The following HOOK3 variants were observed in gnomAD, a reference collection of about 807,000 sequenced individuals.
HOOK3 encodes protein Hook homolog 3.
In HOOK3, 24 loss-of-function variants were observed where a neutral mutation model predicts 116.3. That is an observed-to-expected ratio of 0.21 (90% confidence interval 0.15 to 0.29). HOOK3 has a LOEUF of 0.29. HOOK3 is among the 10% of genes least tolerant of loss of function. The pLI is 1.00. For synonymous variants in HOOK3, 275 were observed against 283.0 expected, an observed-to-expected ratio of 0.97 and a Z score of 0.28; for missense variants, 632 against 830.2, an observed-to-expected ratio of 0.76 and a Z score of 2.93.
intron 6 of HOOK3, among the ~76,000 whole-genome samples, chr8:42,955,440 G>T (rs1260103343): frequency 1.3e-5 from 2 of 152,156 alleles, no homozygotes; most frequent in Non-Finnish European, 2.9e-5. Context: ...CTTGGATTGA[G>T]ATTTTTGCCA....
intron 17 of HOOK3, among the ~76,000 whole-genome samples, chr8:43,003,013 A>G (rs73627280): frequency 0.047 from 7,199 of 152,268 alleles, 341 homozygotes; most frequent in African/African-American, 0.12. Flanking sequence ...TTTATCTTTA[A>G]CTGAGGTTGA....
chr8:42,972,738 A>T (rs912876152), intron 11 of HOOK3, among the ~76,000 whole-genome samples: 3 of 151,910 alleles, frequency 2.0e-5, no homozygotes, highest in African/African-American at 7.3e-5. Context: ...CACTCAGTTT[A>T]TTTTTCCAGC....
At chr8:42,942,548 C>T (rs1808148627) in intron 4 of HOOK3, among the ~76,000 whole-genome samples, 1 of 152,156 alleles carries the variant, frequency 6.6e-6, no homozygotes, top group African/African-American at 2.4e-5. Flanking sequence ...GATAGTTTTA[C>T]CACCTGTATG....
intron 13 of HOOK3, among the ~76,000 whole-genome samples, chr8:42,976,794 G>C (rs1808838524): frequency 1.3e-5 from 2 of 152,160 alleles, no homozygotes; most frequent in South Asian, 4.1e-4. Context: ...CTACTCAGGA[G>C]GCTGAGGCAT....
chr8:42,981,841 A>G (rs7821062), intron 13 of HOOK3, among the ~76,000 whole-genome samples: 18,885 of 145,242 alleles, frequency 0.13, 1,662 homozygotes, highest in African/African-American at 0.25. Context: ...CCAAGATCAT[A>G]CCACTACACT....
Position 42,897,019 on chromosome 8 carries a change from C to A in HOOK3, c.-113C>A. 2.7e-6 allele frequency: 2 copies of A among 749,994 alleles called. No homozygotes were observed. Among genetic ancestry groups the A allele is most frequent in the Non-Finnish European group, 3.7e-6 (2 of 546,652 alleles). The allele number at this position is 749,994 out of a possible 1,614,324, so 46.5% of individuals were successfully genotyped here. A position where few individuals can be genotyped will look rare whatever the true frequency, so the allele number is the denominator to read the frequency against. ...CTGGGCGAGAGTCGGCGGCCGGATC[C>A]GAGGAGCAGGCGGGCCTGAGGCCGA... is the stretch of plus-strand genomic sequence containing the variant. On this transcript the variant is annotated 5_prime_UTR_variant, in exon 1 of 22. Coordinates refer to ENST00000307602, the MANE Select transcript of HOOK3 (RefSeq NM_032410.4).
intron 19 of HOOK3, among the ~76,000 whole-genome samples, chr8:43,011,113 C>T (rs1809601066): frequency 6.6e-6 from 1 of 152,080 alleles, no homozygotes; most frequent in East Asian, 1.9e-4. Flanking sequence ...CTGCCTCAGC[C>T]TCCCGAGTAG....
chr8:42,963,059 C>A (rs2130418784), intron 8 of HOOK3, among the ~76,000 whole-genome samples: 1 of 152,266 alleles, frequency 6.6e-6, no homozygotes, highest in Admixed American at 6.5e-5. Context: ...ACCTCGGCCT[C>A]CCAAAGTGCT....
chr8:42,912,064 T>C (rs1807440600), intron 2 of HOOK3, among the ~76,000 whole-genome samples: 1 of 152,208 alleles, frequency 6.6e-6, no homozygotes, highest in East Asian at 1.9e-4. Context: ...CCTTGAAGTT[T>C]GGCCTTTAAT....
At chr8:43,000,417 G>GAT (rs1214426505) in intron 16 of HOOK3, 12 of 427,190 alleles carry the variant, frequency 2.8e-5, no homozygotes, top group Non-Finnish European at 4.3e-6. Context: ...ATAGGTTTAA[G>GAT]ACCTTTACAA....
chr8:42,972,689 T>A (rs1347461199), intron 11 of HOOK3, among the ~76,000 whole-genome samples: 1 of 152,226 alleles, frequency 6.6e-6, no homozygotes, highest in East Asian at 1.9e-4. Context: ...CGTGAGCCAC[T>A]GCACTTAGCC....
chr8:42,929,393 C>T lies in HOOK3; in HGVS notation c.217-729C>T, dbSNP rs1263347620. ...TGAAAGCCTCAGTCCCTACTAGCTT[C>T]TTTTCTAGGATGTCTCAACTACAGA... is the stretch of plus-strand genomic sequence containing the variant. On this transcript the variant is annotated intron_variant, in intron 3 of 21. Coordinates refer to ENST00000307602, the MANE Select transcript of HOOK3 (RefSeq NM_032410.4). Among the ~76,000 whole-genome samples, 3 of 152,294 alleles carry T rather than the reference C, an allele frequency of 2.0e-5. No homozygotes were observed. In the East Asian group the frequency reaches 5.8e-4, roughly 29 times the overall value.
At chr8:43,016,830 G>A (rs1384942169) in intron 21 of HOOK3, among the ~76,000 whole-genome samples, 1 of 151,928 alleles carries the variant, frequency 6.6e-6, no homozygotes, top group African/African-American at 2.4e-5. Context: ...TTCTTATTTG[G>A]AAAATATTAT....
intron 6 of HOOK3, 92 bp from the exon 7 acceptor site, chr8:42,957,002 T>C: frequency 1.6e-6 from 1 of 606,356 alleles, no homozygotes; most frequent in Non-Finnish European, 2.8e-6. Flanking sequence ...TATATTTCTA[T>C]AGTGGCTGGG....
chr8:42,950,590 T>G, intron 6 of HOOK3, 135 bp downstream of exon 6: 1 of 511,444 alleles, frequency 2.0e-6, no homozygotes, highest in Non-Finnish European at 3.4e-6. Context: ...TGATATAGCT[T>G]TTCTTGTTTT....
At chr8:43,016,644 G>T (rs919299178) in intron 21 of HOOK3, among the ~76,000 whole-genome samples, 4 of 152,116 alleles carry the variant, frequency 2.6e-5, no homozygotes, top group Non-Finnish European at 4.4e-5. Flanking sequence ...TGAAGAATTT[G>T]AATAAATTGC....
chr8:42,921,802 G>A (rs2130351256), intron 2 of HOOK3, among the ~76,000 whole-genome samples: 1 of 152,292 alleles, frequency 6.6e-6, no homozygotes, highest in South Asian at 2.1e-4. Context: ...TTTTAGTGTT[G>A]TTTATGGAGG....
At chr8:42,956,679 G>C (rs1045436992) in intron 6 of HOOK3, among the ~76,000 whole-genome samples, 1 of 152,144 alleles carries the variant, frequency 6.6e-6, no homozygotes, top group African/African-American at 2.4e-5. Flanking sequence ...CCGCCTCCCA[G>C]GTTCAAGTGA....
chr8:42,918,884 C>T (rs978403378), intron 2 of HOOK3, among the ~76,000 whole-genome samples: 4 of 152,208 alleles, frequency 2.6e-5, no homozygotes, highest in East Asian at 1.9e-4. Context: ...CTTTTCTATT[C>T]GACAAAACCG....
Sources: gnomAD v4.1 joint callset for allele counts (sites outside exome capture counted in the v4.1 genomes callset) on GRCh38, gnomAD v4.1.1 for gene constraint, MANE v1.5 for transcripts, NCBI Gene and HGNC (gene_info 2026-07-23, HGNC 2026-07-21) for gene names.